The following DESI2 variants were observed in gnomAD, a reference collection of about 807,000 sequenced individuals.
DESI2 encodes the protein desumoylating isopeptidase 2.
Under a neutral mutation model 24.1 loss-of-function variants are expected in DESI2, and 10 were observed. The observed-to-expected ratio is 0.41, with a 90% CI of 0.26 to 0.70. The LOEUF is 0.70. Ranked by LOEUF, DESI2 falls within the 30% of genes least tolerant of loss-of-function variation. DESI2 has a pLI of 0.29. For synonymous variants in DESI2, 71 were observed against 87.7 expected, an observed-to-expected ratio of 0.81 and a Z score of 1.06; for missense variants, 122 against 234.9, an observed-to-expected ratio of 0.52 and a Z score of 3.14.
intron 4 of DESI2, among the ~76,000 whole-genome samples, chr1:244,701,511 C>T (rs577698140): frequency 5.3e-5 from 8 of 152,098 alleles, no homozygotes; most frequent in Non-Finnish European, 7.4e-5. Flanking sequence ...GGTAACTGGC[C>T]GGAGAAAAAG....
chr1:244,666,008 C>T (rs1676031146), intron 1 of DESI2, among the ~76,000 whole-genome samples: 1 of 152,172 alleles, frequency 6.6e-6, no homozygotes, highest in African/African-American at 2.4e-5. Flanking sequence ...AGTGACAGAT[C>T]TCACTTTACA....
chr1:244,654,373 A>G (rs769109154), intron 1 of DESI2, among the ~76,000 whole-genome samples: 2 of 152,222 alleles, frequency 1.3e-5, no homozygotes, highest in Admixed American at 1.3e-4. Flanking sequence ...GAGCAGAAAT[A>G]CTACAGGCCA....
At chr1:244,678,529 C>A (rs1319240625) in intron 1 of DESI2, among the ~76,000 whole-genome samples, 4 of 152,162 alleles carry the variant, frequency 2.6e-5, no homozygotes, top group Non-Finnish European at 5.9e-5. Flanking sequence ...GGGCATAACT[C>A]TTTTTCATGA....
intron 1 of DESI2, among the ~76,000 whole-genome samples, chr1:244,671,992 C>T (rs77941590): frequency 0.017 from 2,523 of 152,030 alleles, 65 homozygotes; most frequent in African/African-American, 0.058. Flanking sequence ...AAGATAAAAC[C>T]AAGTTACATG....
intron 1 of DESI2, among the ~76,000 whole-genome samples, chr1:244,672,417 G>A (rs1182675755): frequency 1.3e-5 from 2 of 152,022 alleles, no homozygotes; most frequent in South Asian, 2.1e-4. Context: ...TGAGACCCTC[G>A]CCAAAAACAG....
chr1:244,701,211 CT>C (rs1558669745), intron 4 of DESI2, among the ~76,000 whole-genome samples: 346 of 26,116 alleles, frequency 0.013, no homozygotes, highest in Middle Eastern at 0.025. Flanking sequence ...CCACCTTCCC[CT>C]CCACCCCCCC....
At chr1:244,688,836 A>T (rs961551524) in intron 2 of DESI2, among the ~76,000 whole-genome samples, 4 of 152,210 alleles carry the variant, frequency 2.6e-5, no homozygotes, top group African/African-American at 9.7e-5. Context: ...GAAACCATGA[A>T]ACTCACTGTT....
intron 1 of DESI2, among the ~76,000 whole-genome samples, chr1:244,663,244 T>G (rs1006958219): frequency 6.6e-6 from 1 of 152,064 alleles, no homozygotes; most frequent in East Asian, 1.9e-4. Context: ...GGCATCCGTC[T>G]CGGCTCAGTG....
rs1021731233 is a variant in DESI2, at chr1:244,707,459, G to C, written c.*1670G>C. The C allele has an allele frequency of 6.6e-6, 1 of 152,574 alleles. No homozygotes were observed. Among genetic ancestry groups the C allele is most frequent in the African/African-American group, 2.4e-5 (1 of 41,426 alleles). 9.5% of individuals were successfully genotyped at this position (152,574 alleles called of 1,614,324 possible). On this transcript the variant is annotated 3_prime_UTR_variant, in exon 5 of 5. Coordinates refer to ENST00000302550, the MANE Select transcript of DESI2 (RefSeq NM_016076.5). Reference sequence around the variant, plus strand: ...ACTCTCAGTTCTTTAGGGGCAGAAGGCTTGTTTCAAGAGGTTTGACAGAAG... The same window carrying C: ...ACTCTCAGTTCTTTAGGGGCAGAAGCCTTGTTTCAAGAGGTTTGACAGAAG...
chr1:244,697,992 C>A (rs1288802062), intron 4 of DESI2, among the ~76,000 whole-genome samples: 3 of 152,194 alleles, frequency 2.0e-5, no homozygotes, highest in African/African-American at 4.8e-5. Flanking sequence ...TAATATTAAA[C>A]CTTTTGCTAA....
At chr1:244,657,028 G>A (rs184424072) in intron 1 of DESI2, among the ~76,000 whole-genome samples, 32 of 152,136 alleles carry the variant, frequency 2.1e-4, no homozygotes, top group African/African-American at 7.0e-4. Context: ...CCGCCTCAGC[G>A]TCCCAAAGTT....
chr1:244,685,091 T>C (rs558265450), intron 1 of DESI2, among the ~76,000 whole-genome samples: 1 of 152,174 alleles, frequency 6.6e-6, no homozygotes, highest in Non-Finnish European at 1.5e-5. Context: ...CCACACAGAT[T>C]CTCTCTTTTT....
intron 1 of DESI2, among the ~76,000 whole-genome samples, chr1:244,667,289 G>A (rs1036861198): frequency 3.3e-5 from 5 of 152,096 alleles, no homozygotes; most frequent in Non-Finnish European, 7.4e-5. Flanking sequence ...GATATAATGG[G>A]GATACAGGTA....
chr1:244,662,345 T>C (rs1325873640), intron 1 of DESI2, among the ~76,000 whole-genome samples: 1 of 152,182 alleles, frequency 6.6e-6, no homozygotes, highest in Non-Finnish European at 1.5e-5. Context: ...TGTGTGAACA[T>C]GGGTTTATAA....
At chr1:244,668,113 G>T (rs1002338428) in intron 1 of DESI2, among the ~76,000 whole-genome samples, 3 of 152,196 alleles carry the variant, frequency 2.0e-5, no homozygotes, top group African/African-American at 7.2e-5. Flanking sequence ...TATGGACAAG[G>T]ATTGTGAATT....
chr1:244,666,038 A>G (rs1225338062), intron 1 of DESI2, among the ~76,000 whole-genome samples: 1 of 152,152 alleles, frequency 6.6e-6, no homozygotes, highest in Non-Finnish European at 1.5e-5. Flanking sequence ...ACAAACCCCA[A>G]GAGGGCCCTA....
At chr1:244,686,287 A>AGTGTGT (rs2148804644) in intron 1 of DESI2, among the ~76,000 whole-genome samples, 1 of 138,396 alleles carries the variant, frequency 7.2e-6, no homozygotes, top group South Asian at 2.5e-4. Context: ...TGTGTGTGTA[A>AGTGTGT]GTCACTAACA....
Position 244,689,403 on chromosome 1 carries a change from T to C in DESI2, c.209+61T>C. 1 of 779,156 alleles carries C rather than the reference T, an allele frequency of 1.3e-6. No homozygotes were observed. Among genetic ancestry groups the C allele is most frequent in the South Asian group, 1.6e-5 (1 of 61,420 alleles). 48.3% of individuals were successfully genotyped at this position (779,156 alleles called of 1,614,324 possible). On this transcript the variant is annotated intron_variant, in intron 3 of 4. Transcript: ENST00000302550. This position sits in a 1 kb window ranked among gnomAD's most constrained non-coding sequence, Gnocchi z 4.0. ...AGGTGCCATAGCTTGTTTTCAGGTA[T>C]ACAGAATTCATTCTGTAAATCAAAA...
chr1:244,661,425 T>G (rs1292790404), intron 1 of DESI2, among the ~76,000 whole-genome samples: 1 of 152,172 alleles, frequency 6.6e-6, no homozygotes, highest in African/African-American at 2.4e-5. Flanking sequence ...TTTTTATTAT[T>G]ATACTTTAAG....
Sources: gnomAD v4.1 joint callset for allele counts (sites outside exome capture counted in the v4.1 genomes callset) on GRCh38, gnomAD v4.1.1 for gene constraint, Gnocchi (gnomAD v3.1) non-coding constraint, MANE v1.5 for transcripts, NCBI Gene and HGNC (gene_info 2026-07-23, HGNC 2026-07-21) for gene names.